The following IL1B variants were observed in gnomAD, a reference collection of about 807,000 sequenced individuals.
IL1B encodes interleukin-1 beta.
In IL1B, 11 loss-of-function variants were observed where a neutral mutation model predicts 26.2. That is an observed-to-expected ratio of 0.42 (90% CI 0.26 to 0.70). IL1B has a LOEUF of 0.70. IL1B is among the 30% of genes least tolerant of loss of function. The probability of loss-of-function intolerance (pLI) is 0.25; values close to 1 mark genes in which losing one functional copy is unlikely to be tolerated. For missense variants in IL1B, 255 were observed against 327.5 expected, an observed-to-expected ratio of 0.78 and a Z score of 1.71; for synonymous variants, 118 against 120.8, an observed-to-expected ratio of 0.98 and a Z score of 0.15.
chr2:112,835,535 C>T (rs1290053308), intron 3 of IL1B, 31 bp downstream of exon 3: 1 of 1,584,656 alleles, frequency 6.3e-7, no homozygotes, highest in Non-Finnish European at 8.7e-7. Context: ...AGAGCCCTTC[C>T]TTGGGTTGGG....
At position 112,832,554 on chromosome 2, in the gene IL1B, A is replaced by G. The variant is rs1682006732; in HGVS notation, c.466+108T>C. 1.3e-5 allele frequency: 15 copies of G among 1,192,020 alleles called. No individual in the cohort carries two copies. In the Admixed American group the frequency reaches 2.6e-4, roughly 21 times the overall value. The allele number at this position is 1,192,020 out of a possible 1,614,324, so 73.8% of individuals were successfully genotyped here. A position where few individuals can be genotyped will look rare whatever the true frequency, so the allele number is the denominator to read the frequency against. On this transcript the variant is annotated intron_variant, in intron 5 of 6. Coordinates refer to ENST00000263341, the MANE Select transcript of IL1B (RefSeq NM_000576.3). ...ATATTCCTTTTTAATATTTTTTTTCACTTGTGTTGATCATTTGCCTTAAAT... is the reference window on the plus strand; with the variant it reads ...ATATTCCTTTTTAATATTTTTTTTCGCTTGTGTTGATCATTTGCCTTAAAT...
At chr2:112,831,999 T>A (rs1394222393) in intron 5 of IL1B, among the ~76,000 whole-genome samples, 1 of 152,188 alleles carries the variant, frequency 6.6e-6, no homozygotes, top group Non-Finnish European at 1.5e-5. Context: ...AACAGGATTT[T>A]CTTGGCCTGG....
At position 112,836,248 on chromosome 2, in the gene IL1B, T is replaced by C; in HGVS notation, c.-15-4A>G. 6.2e-7 allele frequency: 1 copy of C among 1,612,442 alleles called. No homozygotes were observed. The highest frequency in any genetic ancestry group is 8.5e-7 in the Non-Finnish European group (1 of 1,178,554). On this transcript the variant is annotated splice_region_variant and splice_polypyrimidine_tract_variant and intron_variant, in intron 1 of 6. Transcript: ENST00000263341. ...CTGCCATGGCTGCTTCAGACACCTG[T>C]GTAAAAAGGAGAAAATGAGTGACTT... is the stretch of plus-strand genomic sequence containing the variant.
At chr2:112,836,495 A>G (rs1387100797) in intron 1 of IL1B, 1 of 431,796 alleles carries the variant, frequency 2.3e-6, no homozygotes, top group East Asian at 4.8e-5. Context: ...CTGTTAGATA[A>G]GCAGTATCCA....
chr2:112,836,215 A>C lies in IL1B; in HGVS notation c.15T>G (p.Pro5=). The stretch of plus-strand genomic sequence containing the variant: ...AAGCCATCATTTCACTGGCGAGCTC[A>C]GGTACTTCTGCCATGGCTGCTTCAG... MAEV[P]ELASEMMAYY... Residue 5 remains proline (P), a synonymous_variant, in exon 2 of 7, where the codon CCT becomes CCG. Coordinates refer to ENST00000263341, the MANE Select transcript of IL1B (RefSeq NM_000576.3). The C allele has an allele frequency of 1.2e-6, 2 of 1,613,616 alleles. No individual in the cohort carries two copies. Among genetic ancestry groups the C allele is most frequent in the Non-Finnish European group, 1.7e-6 (2 of 1,179,584 alleles).
At chr2:112,833,113 G>A (rs1682022636) in intron 4 of IL1B, 1 of 600,434 alleles carries the variant, frequency 1.7e-6, no homozygotes, top group Non-Finnish European at 3.0e-6. Flanking sequence ...GGGAGGTTAC[G>A]AACCTCTGGT....
At chr2:112,832,636 A>G (rs755344951) in intron 5 of IL1B, 26 bp downstream of exon 5, 1 of 1,613,398 alleles carries the variant, frequency 6.2e-7, no homozygotes, top group Admixed American at 1.7e-5. Flanking sequence ...GAGGCCAGGC[A>G]GGGAAACCAG....
Position 112,830,277 on chromosome 2 carries a change from A to T in IL1B, c.*84T>A. On this transcript the variant is annotated 3_prime_UTR_variant, in exon 7 of 7. Coordinates refer to ENST00000263341, the MANE Select transcript of IL1B (RefSeq NM_000576.3). ...ACAGGAAAGTCCAGGCTATAGCCGT[A>T]CTCAAAAACCTTTCTGTTCCCTTTC... is the stretch of plus-strand genomic sequence containing the variant. The T allele has an allele frequency of 2.6e-6, 3 of 1,166,224 alleles. No homozygotes were observed. The highest frequency in any genetic ancestry group is 3.9e-6 in the Non-Finnish European group (3 of 773,242). The allele number at this position is 1,166,224 out of a possible 1,614,324, so 72.2% of individuals were successfully genotyped here.
intron 6 of IL1B, 178 bp downstream of exon 6, chr2:112,831,114 C>T (rs1040237618): frequency 1.5e-6 from 1 of 670,040 alleles, no homozygotes; most frequent in Non-Finnish European, 2.7e-6. Context: ...TTTTCTGCAG[C>T]AGGATTGAAG....
At position 112,833,421 on chromosome 2, in the gene IL1B, A is replaced by C. The variant is rs376341819; in HGVS notation, c.254T>G (p.Phe85Cys). The change falls in exon 4 of 7, where the codon TTC becomes TGC. Residue 85 changes from phenylalanine (F) to cysteine (C), a missense_variant. Transcript: ENST00000263341. ...RKMLVPCPQT[F>C]QENDLSTFFP... is the part of the protein sequence containing the mutation. ...GAAGGTGCTCAGGTCATTCTCCTGG[A>C]AGGTCTGTGGGCAGGGAACCAGCAT... 1 of 1,614,154 alleles carries C rather than the reference A, an allele frequency of 6.2e-7. No individual in the cohort carries two copies. Among genetic ancestry groups the C allele is most frequent in the African/African-American group, 1.3e-5 (1 of 75,026 alleles).
chr2:112,830,615 C>G (rs1158659021), intron 6 of IL1B, 42 bp from the exon 7 acceptor site: 3 of 1,355,360 alleles, frequency 2.2e-6, no homozygotes, highest in Non-Finnish European at 3.2e-6. Flanking sequence ...GGGCAAGGGA[C>G]AAAGATGCTA....
intron 1 of IL1B, 178 bp from the exon 2 acceptor site, chr2:112,836,422 C>A: frequency 1.7e-6 from 1 of 583,070 alleles, no homozygotes; most frequent in Non-Finnish European, 3.2e-6. Flanking sequence ...CAAACCCCAA[C>A]TAGCAATGTA....
intron 3 of IL1B, among the ~76,000 whole-genome samples, chr2:112,833,826 C>T (rs1383767789): frequency 6.6e-6 from 1 of 152,026 alleles, no homozygotes; most frequent in Non-Finnish European, 1.5e-5. Flanking sequence ...AACCCCTTCT[C>T]TACTAAAAAT....
In IL1B at chr2:112,830,406, G is replaced by T. The variant is rs368729538; in HGVS notation, c.765C>A (p.Gly255=). ...TGGTGAAGTCAGTTATATCCTGGCC[G>T]CCTTTGGTCCCTCCCAGGAAGACGG... is the stretch of plus-strand genomic sequence containing the variant. ...NMPVFLGGTK[G]GQDITDFTMQ... is the part of the protein sequence containing the mutation. Residue 255 remains glycine (G), a synonymous_variant, in exon 7 of 7, where the codon GGC becomes GGA. Transcript: ENST00000263341. The T allele has an allele frequency of 6.2e-7, 1 of 1,614,110 alleles. No individual in the cohort carries two copies. Among genetic ancestry groups the T allele is most frequent in the Non-Finnish European group, 8.5e-7 (1 of 1,180,024 alleles).
At chr2:112,831,062 G>C in intron 6 of IL1B, 1 of 521,646 alleles carries the variant, frequency 1.9e-6, no homozygotes, top group East Asian at 3.8e-5. Context: ...TGTTGGGGTT[G>C]TAACTATGGT....
At chr2:112,836,061 G>A in intron 2 of IL1B, 122 bp downstream of exon 2, 1 of 844,412 alleles carries the variant, frequency 1.2e-6, no homozygotes, top group East Asian at 2.5e-5. Context: ...GATTTACTTG[G>A]CACCCTGTTT....
At chr2:112,834,722 T>A (rs1247103841) in intron 3 of IL1B, among the ~76,000 whole-genome samples, 1 of 152,214 alleles carries the variant, frequency 6.6e-6, no homozygotes, top group Non-Finnish European at 1.5e-5. Flanking sequence ...GAGGACTGGA[T>A]TATGAGGCTA....
At chr2:112,831,839 G>A (rs1681990442) in intron 5 of IL1B, among the ~76,000 whole-genome samples, 1 of 152,210 alleles carries the variant, frequency 6.6e-6, no homozygotes, top group Admixed American at 6.5e-5. Flanking sequence ...ACTGTTTCAG[G>A]AACAGAGAGT....
At chr2:112,831,700 G>A (rs1057066474) in intron 5 of IL1B, among the ~76,000 whole-genome samples, 2 of 151,938 alleles carry the variant, frequency 1.3e-5, no homozygotes, top group Non-Finnish European at 2.9e-5. Context: ...AATGCTGAAG[G>A]AAGGAAGGAA....
Sources: gnomAD v4.1 joint callset for allele counts (sites outside exome capture counted in the v4.1 genomes callset) on GRCh38, gnomAD v4.1.1 for gene constraint, MANE v1.5 for transcripts, NCBI Gene and HGNC (gene_info 2026-07-23, HGNC 2026-07-21) for gene names.